PTPRT: variants seen among roughly 807,000 people sequenced by gnomAD.
PTPRT encodes the protein protein tyrosine phosphatase receptor type T.
In PTPRT, 56 loss-of-function variants were observed where a neutral mutation model predicts 176.8. The observed-to-expected ratio is 0.32, with a 90% CI of 0.26 to 0.40. The LOEUF is 0.40. Ranked by LOEUF, PTPRT falls within the 10% of genes least tolerant of loss-of-function variation. The pLI is 1.00. For synonymous variants in PTPRT, 783 were observed against 739.0 expected (o/e 1.06, Z -0.96); for missense variants, 1,540 against 1,908.2 (o/e 0.81, Z 3.60).
chr20:42,301,875 G>A (rs1435386613), intron 12 of PTPRT, among the ~76,000 whole-genome samples: 1 of 152,156 alleles, frequency 6.6e-6, no homozygotes, highest in Non-Finnish European at 1.5e-5. Context: ...TTGACGATGG[G>A]TTGATGATCA....
At position 42,080,792 on chromosome 20, in the gene PTPRT, C is replaced by G; in HGVS notation, c.*87G>C. ...AGTCAGGCAGGGTGCCACCTCAGAG[C>G]TCCTGAGCCCAGTTACTGCCATTCA... On this transcript the variant is annotated 3_prime_UTR_variant, in exon 31 of 31. Transcript: ENST00000373187. 7.3e-7 allele frequency: 1 copy of G among 1,369,606 alleles called. No homozygotes were observed. The allele number at this position is 1,369,606 out of a possible 1,614,324, so 84.8% of individuals were successfully genotyped here.
In PTPRT at chr20:42,617,628, G is replaced by T. The variant is rs1301473868; in HGVS notation, c.1153+60238C>A. 3.6e-5 allele frequency among the ~76,000 whole-genome samples: 5 copies of T among 138,116 alleles called. 1 individual carries two copies. The highest frequency in any genetic ancestry group is 3.9e-4 in the East Asian group (2 of 5,114). 90.6% of individuals were successfully genotyped at this position (138,116 alleles called of 152,430 possible). On this transcript the variant is annotated intron_variant, in intron 7 of 30. Coordinates refer to ENST00000373187, the MANE Select transcript of PTPRT (RefSeq NM_007050.6). ...GCCACAATTTCAGATCCTGTTATTG[G>T]TCTATTCAGAGATTCAACTTCTTCC... is the stretch of plus-strand genomic sequence containing the variant.
intron 2 of PTPRT, among the ~76,000 whole-genome samples, chr20:42,861,865 A>C (rs1279464787): frequency 1.3e-5 from 2 of 151,988 alleles, no homozygotes; most frequent in Admixed American, 6.6e-5. Context: ...TTAAAAAAAA[A>C]CAAAAAACCA....
intron 1 of PTPRT, among the ~76,000 whole-genome samples, chr20:43,029,709 G>T (rs1400342270): frequency 2.0e-5 from 3 of 152,228 alleles, no homozygotes; most frequent in African/African-American, 7.2e-5. Context: ...GTGGTCAAAG[G>T]CTTGGCCTTA....
chr20:43,066,768 T>C (rs546157409), intron 1 of PTPRT, among the ~76,000 whole-genome samples: 4 of 152,148 alleles, frequency 2.6e-5, no homozygotes, highest in Non-Finnish European at 5.9e-5. Flanking sequence ...TTCATCTTTG[T>C]TCTACAGCAG....
intron 9 of PTPRT, among the ~76,000 whole-genome samples, chr20:42,426,995 G>A (rs989254262): frequency 2.0e-5 from 3 of 152,142 alleles, no homozygotes; most frequent in Admixed American, 1.3e-4. Context: ...GTCAAACATG[G>A]TGGCACAAGA....
At chr20:42,589,189 G>T (rs542527419) in intron 7 of PTPRT, among the ~76,000 whole-genome samples, 1 of 152,296 alleles carries the variant, frequency 6.6e-6, no homozygotes, top group East Asian at 1.9e-4. Flanking sequence ...GCACTTCACT[G>T]CCCATCAGAC....
At chr20:42,249,757 T>C (rs765797173) in intron 13 of PTPRT, among the ~76,000 whole-genome samples, 59 of 152,336 alleles carry the variant, frequency 3.9e-4, no homozygotes, top group Non-Finnish European at 7.2e-4. Flanking sequence ...AAAACAACCA[T>C]TCTGCTTATG....
At chr20:42,390,444 A>T (rs1009475615) in intron 9 of PTPRT, among the ~76,000 whole-genome samples, 18 of 152,150 alleles carry the variant, frequency 1.2e-4, no homozygotes, top group Non-Finnish European at 2.9e-5. Flanking sequence ...CCATTAACCA[A>T]CGTAAATGTC....
intron 12 of PTPRT, among the ~76,000 whole-genome samples, chr20:42,295,279 G>A (rs138492552): frequency 3.9e-4 from 60 of 152,270 alleles, no homozygotes; most frequent in Middle Eastern, 6.8e-3. Flanking sequence ...CTCAAAAACA[G>A]CATGCAAAGC....
chr20:42,327,580 TAACCATTTGAGA>T, intron 11 of PTPRT, among the ~76,000 whole-genome samples: 1 of 152,020 alleles, frequency 6.6e-6, no homozygotes, highest in Non-Finnish European at 1.5e-5. Flanking sequence ...AATGGTTGAA[TAACCATTTGAGA>T]GACAAGAGAA....
chr20:42,444,706 T>C (rs2059347943), intron 9 of PTPRT, among the ~76,000 whole-genome samples: 1 of 152,208 alleles, frequency 6.6e-6, no homozygotes, highest in African/African-American at 2.4e-5. Context: ...CCTATTTTTC[T>C]TTGTAATAAA....
At chr20:42,796,688 G>T (rs2077459912) in intron 2 of PTPRT, among the ~76,000 whole-genome samples, 1 of 152,214 alleles carries the variant, frequency 6.6e-6, no homozygotes, top group Non-Finnish European at 1.5e-5. Context: ...CATTCTACAT[G>T]TCACATGACT....
At chr20:42,217,297 T>C (rs1335645922) in intron 15 of PTPRT, among the ~76,000 whole-genome samples, 1 of 151,056 alleles carries the variant, frequency 6.6e-6, no homozygotes, top group Non-Finnish European at 1.5e-5. Context: ...CACTTGAACC[T>C]GAGAGGCGGG....
intron 16 of PTPRT, among the ~76,000 whole-genome samples, chr20:42,174,369 T>C (rs1183370432): frequency 6.6e-6 from 1 of 151,974 alleles, no homozygotes; most frequent in East Asian, 1.9e-4. Flanking sequence ...TGAGGAAGGA[T>C]CTGAGTTATA....
chr20:42,098,393 C>A (rs1985508097), intron 27 of PTPRT, 28 bp downstream of exon 27: 1 of 1,612,944 alleles, frequency 6.2e-7, no homozygotes. Context: ...CCCTGACCCA[C>A]CTAGGGCTTG....
intron 1 of PTPRT, among the ~76,000 whole-genome samples, chr20:42,942,054 C>T (rs61217032): frequency 0.056 from 8,485 of 151,836 alleles, 650 homozygotes; most frequent in African/African-American, 0.17. Flanking sequence ...GGGTTGAGCC[C>T]GGAAGAAAGA....
rs550863793 is a variant in PTPRT, at chr20:42,413,784, C to T, written c.1560+34436G>A. On this transcript the variant is annotated intron_variant, in intron 9 of 30. Transcript: ENST00000373187. ...AAGAACACCTCCACAGAGAACTAGC[C>T]TTCTTGAACTATCTTTGATATGTCA... Among the ~76,000 whole-genome samples, 22 of 152,292 alleles carry T rather than the reference C, an allele frequency of 1.4e-4. 1 individual carries two copies. Among genetic ancestry groups the T allele is most frequent in the Admixed American group, 1.4e-3 (22 of 15,294 alleles).
At chr20:42,481,183 A>G (rs1380646250) in intron 7 of PTPRT, among the ~76,000 whole-genome samples, 1 of 152,162 alleles carries the variant, frequency 6.6e-6, no homozygotes, top group Non-Finnish European at 1.5e-5. Context: ...GTTTCAATAA[A>G]TGTTTATTTA....
Sources: gnomAD v4.1 joint callset for allele counts (sites outside exome capture counted in the v4.1 genomes callset) on GRCh38, gnomAD v4.1.1 for gene constraint, MANE v1.5 for transcripts, NCBI Gene and HGNC (gene_info 2026-07-23, HGNC 2026-07-21) for gene names.